Variants in TRNT1 observed in about 807,000 individuals in gnomAD.
TRNT1 encodes the protein CCA tRNA nucleotidyltransferase 1, mitochondrial.
Under a neutral mutation model 45.6 loss-of-function variants are expected in TRNT1, and 44 were observed. That is an observed-to-expected ratio of 0.97 (90% CI 0.76 to 1.24). The LOEUF (loss-of-function observed/expected upper bound fraction) is 1.24. Ranked by LOEUF, TRNT1 falls within the 50% of genes most tolerant of loss-of-function variation. The pLI, the probability that TRNT1 is intolerant of heterozygous loss-of-function variation, is 0.00. For synonymous variants in TRNT1, 201 were observed against 171.4 expected (o/e 1.17, Z -1.35); for missense variants, 633 against 504.4 (o/e 1.25, Z -2.44).
downstream of TRNT1, chr3:3,153,008 A>C: frequency 3.4e-6 from 1 of 297,412 alleles, no homozygotes; most frequent in South Asian, 3.7e-5. Context: ...ATTTGTCATA[A>C]AATGATTTTC....
At chr3:3,133,914 A>C (rs1247679048) in intron 2 of TRNT1, among the ~76,000 whole-genome samples, 1 of 152,174 alleles carries the variant, frequency 6.6e-6, no homozygotes, top group African/African-American at 2.4e-5. Flanking sequence ...TGTAAAGGGA[A>C]GACGTTCATG....
In TRNT1 at chr3:3,137,366, C is replaced by T. The variant is rs1705391391; in HGVS notation, c.255C>T (p.Thr85=). ...ATATAGATTTTGCCACCACTGCTACCCCTACTCAAATGAAGGAGATGTTTC... is the reference window on the plus strand; with the variant it reads ...ATATAGATTTTGCCACCACTGCTACTCCTACTCAAATGAAGGAGATGTTTC... The part of the protein sequence containing the change: ...PQDIDFATTA[T]PTQMKEMFQS... Residue 85 remains threonine (T), a synonymous_variant, in exon 3 of 8, where the codon ACC becomes ACT. Coordinates refer to ENST00000251607, the MANE Select transcript of TRNT1 (RefSeq NM_182916.3). The T allele has an allele frequency of 6.2e-7, 1 of 1,613,770 alleles. No individual in the cohort carries two copies. The highest frequency in any genetic ancestry group is 8.5e-7 in the Non-Finnish European group (1 of 1,179,832).
Position 3,140,630 on chromosome 3 carries a change from A to T in TRNT1, c.463A>T (p.Ile155Leu), listed in dbSNP as rs770395497. The change falls in exon 4 of 8, where the codon ATA becomes TTA. Residue 155 changes from isoleucine to leucine, a missense_variant. Ile to Leu is a conservative substitution (Grantham distance 5, BLOSUM62 2). Coordinates refer to ENST00000251607, the MANE Select transcript of TRNT1 (RefSeq NM_182916.3). ...QKDAERRDLT[I>L]NSMFLGFDGT... ...AGATGCGGAACGCAGAGATCTCACT[A>T]TAAATTCTATGTTTTTAGGTAATAT... 6.2e-7 allele frequency: 1 copy of T among 1,613,908 alleles called. No homozygotes were observed. Among genetic ancestry groups the T allele is most frequent in the Non-Finnish European group, 8.5e-7 (1 of 1,179,980 alleles).
chr3:3,137,400 G>C lies in TRNT1; in HGVS notation c.289G>C (p.Gly97Arg), dbSNP rs1188876037. 2 of 1,613,612 alleles carry C rather than the reference G, an allele frequency of 1.2e-6. No homozygotes were observed. Among genetic ancestry groups the C allele is most frequent in the East Asian group, 4.5e-5 (2 of 44,852 alleles). The change falls in exon 3 of 8, where the codon GGG (glycine) becomes CGG (arginine). Residue 97 changes from glycine to arginine, a missense_variant. Transcript: ENST00000251607. ...TQMKEMFQSA[G>R]IRMINNRGEK... is the part of the protein sequence containing the mutation. ...AATGAAGGAGATGTTTCAGTCGGCT[G>C]GGATTCGGATGATAAACAACAGAGG...
intron 5 of TRNT1, chr3:3,145,269 C>G (rs1009178429): frequency 6.9e-6 from 1 of 145,926 alleles, no homozygotes; most frequent in African/African-American, 2.5e-5. Context: ...CTTTGGGAGG[C>G]CGAGGCGGGT....
chr3:3,142,604 A>G (rs146432406), intron 4 of TRNT1, among the ~76,000 whole-genome samples: 4 of 152,364 alleles, frequency 2.6e-5, no homozygotes, highest in Admixed American at 6.5e-5. Context: ...GTAGTTTTCT[A>G]TCCTGGCTTT....
chr3:3,152,491 T>C (rs1352641061), downstream of TRNT1: 1 of 1,613,636 alleles, frequency 6.2e-7, no homozygotes, highest in Non-Finnish European at 8.5e-7. Context: ...AAGGCCGGCC[T>C]ATCAGATTCA....
chr3:3,131,456 A>G (rs902363941), intron 2 of TRNT1: 1 of 152,266 alleles, frequency 6.6e-6, no homozygotes. Context: ...TTAACGTTCT[A>G]AACCTGAAAC....
At chr3:3,151,025 T>TGG, downstream of TRNT1, 1 of 1,613,882 alleles carries the variant, frequency 6.2e-7, no homozygotes, top group Non-Finnish European at 8.5e-7. Context: ...GATCTTACAC[T>TGG]GGGCAACAGT....
intron 2 of TRNT1, chr3:3,129,790 C>A: frequency 7.4e-7 from 1 of 1,347,566 alleles, no homozygotes; most frequent in Non-Finnish European, 1.0e-6. Context: ...AAAAAGGAAA[C>A]AGATTGTTAG....
At chr3:3,152,479 A>T (rs369676870), downstream of TRNT1, 45 of 1,613,920 alleles carry the variant, frequency 2.8e-5, no homozygotes, top group Non-Finnish European at 3.7e-5. Context: ...TGTGTTCTGT[A>T]GAAGGCCGGC....
intron 4 of TRNT1, among the ~76,000 whole-genome samples, chr3:3,143,538 T>A (rs925782395): frequency 2.6e-5 from 4 of 152,176 alleles, no homozygotes; most frequent in Non-Finnish European, 4.4e-5. Flanking sequence ...AACACTGTTA[T>A]CAAGTGTTTG....
intron 4 of TRNT1, among the ~76,000 whole-genome samples, chr3:3,142,078 GC>G (rs1190171048): frequency 6.6e-6 from 1 of 152,142 alleles, no homozygotes; most frequent in Non-Finnish European, 1.5e-5. Context: ...CCCAATTGGT[GC>G]ATTTTTCTCT....
downstream of TRNT1, chr3:3,151,013 C>A (rs766454644): frequency 6.2e-7 from 1 of 1,613,844 alleles, no homozygotes; most frequent in Non-Finnish European, 8.5e-7. Flanking sequence ...ATGGCTTGCA[C>A]AGATCTTACA....
chr3:3,140,425 T>C, intron 3 of TRNT1, 85 bp from the exon 4 acceptor site: 5 of 1,424,232 alleles, frequency 3.5e-6, no homozygotes, highest in Non-Finnish European at 4.8e-6. Context: ...CATCCCTTTA[T>C]AAAGACAAAA....
intron 4 of TRNT1, among the ~76,000 whole-genome samples, chr3:3,143,918 A>G (rs1034088998): frequency 1.3e-5 from 2 of 152,218 alleles, no homozygotes; most frequent in African/African-American, 2.4e-5. Context: ...AGAGATTTCT[A>G]TATTTCCTTT....
In TRNT1 at chr3:3,147,971, C is replaced by A. The variant is rs1706173664; in HGVS notation, c.1122C>A (p.Leu374=). Residue 374 remains leucine, a synonymous_variant, in exon 8 of 8, where the codon CTC becomes CTA. Coordinates refer to ENST00000251607, the MANE Select transcript of TRNT1 (RefSeq NM_182916.3). ...TGAAGTACCAAGGAGAGCACTGTCT[C>A]CTAAAGGAAATGCAGCAGTGGTCCA... ...ELLKYQGEHC[L]LKEMQQWSIP... is the part of the protein sequence containing the mutation. 6.2e-7 allele frequency: 1 copy of A among 1,613,868 alleles called. No homozygotes were observed. Among genetic ancestry groups the A allele is most frequent in the South Asian group, 1.1e-5 (1 of 91,076 alleles).
chr3:3,152,264 T>G (rs139660334), downstream of TRNT1, among the ~76,000 whole-genome samples: 22 of 151,986 alleles, frequency 1.4e-4, no homozygotes, highest in Admixed American at 9.2e-4. Context: ...GAGATTCTTG[T>G]GCCTCAGCAT....
downstream of TRNT1, chr3:3,152,607 T>C: frequency 6.2e-7 from 1 of 1,613,922 alleles, no homozygotes; most frequent in Middle Eastern, 1.7e-4. Context: ...AGAATCAACA[T>C]GGAGAACACG....
Sources: allele counts gnomAD v4.1 joint callset (sites outside exome capture counted in the v4.1 genomes callset), GRCh38; gene constraint gnomAD v4.1.1; transcripts MANE v1.5; gene names NCBI Gene and HGNC (gene_info 2026-07-23, HGNC 2026-07-21).